Variants in FABP7 observed in about 807,000 individuals in gnomAD.
The protein encoded by FABP7 is fatty acid binding protein 7, also known as fatty acid-binding protein, brain.
FABP7 carries 13 observed loss-of-function variants against 14.2 expected under a neutral mutation model. The observed-to-expected ratio is 0.91, with a 90% confidence interval of 0.59 to 1.45. The LOEUF (loss-of-function observed/expected upper bound fraction) is 1.45. FABP7 is among the 40% of genes most tolerant of loss of function. FABP7 has a pLI of 0.00. For synonymous variants in FABP7, 49 were observed against 51.4 expected, an observed-to-expected ratio of 0.95 and a Z score of 0.20; for missense variants, 149 against 157.6, an observed-to-expected ratio of 0.95 and a Z score of 0.29.
chr6:122,775,596 G>A (rs1006056535), upstream of FABP7, among the ~76,000 whole-genome samples: 1 of 151,846 alleles, frequency 6.6e-6, no homozygotes, highest in African/African-American at 2.4e-5. Context: ...CAGGACATTG[G>A]TTTGATACAG....
the FABP7 span, among the ~76,000 whole-genome samples, chr6:122,756,139 T>G: frequency 4.6e-5 from 7 of 152,070 alleles, no homozygotes; most frequent in African/African-American, 7.2e-5. Flanking sequence ...CCTGGAGACA[T>G]GAGTAAACAA....
the FABP7 span, among the ~76,000 whole-genome samples, chr6:122,756,011 C>A: frequency 6.6e-6 from 1 of 152,160 alleles, no homozygotes; most frequent in African/African-American, 2.4e-5. Flanking sequence ...GGCTTTGAGT[C>A]AACACACTTG....
chr6:122,758,780 T>C, the FABP7 span, among the ~76,000 whole-genome samples: 1 of 152,236 alleles, frequency 6.6e-6, no homozygotes, highest in East Asian at 1.9e-4. Flanking sequence ...ATATTTTATA[T>C]GTTTTATAAT....
the FABP7 span, among the ~76,000 whole-genome samples, chr6:122,767,329 C>T: frequency 2.0e-5 from 3 of 151,720 alleles, no homozygotes; most frequent in Non-Finnish European, 2.9e-5. Context: ...CTTGCTTTTC[C>T]GGTTATTAGG....
At chr6:122,782,023 A>G in intron 3 of FABP7, 1 of 981,356 alleles carries the variant, frequency 1.0e-6, no homozygotes, top group Non-Finnish European at 1.2e-6. Flanking sequence ...GAGTGCTGGG[A>G]TTACAGGCCT....
the FABP7 span, among the ~76,000 whole-genome samples, chr6:122,750,476 TCAACAGTA>T: frequency 6.6e-6 from 1 of 152,226 alleles, no homozygotes; most frequent in Admixed American, 6.5e-5. Context: ...TAATCATGCA[TCAACAGTA>T]CAACCAGACA....
chr6:122,774,870 A>G (rs1780645063), upstream of FABP7, among the ~76,000 whole-genome samples: 1 of 152,146 alleles, frequency 6.6e-6, no homozygotes, highest in Non-Finnish European at 1.5e-5. Context: ...CCAACAATGA[A>G]CAATCTAAAA....
chr6:122,780,598 A>G (rs1382521647), intron 2 of FABP7, 135 bp downstream of exon 2: 2 of 959,426 alleles, frequency 2.1e-6, no homozygotes, highest in Non-Finnish European at 3.1e-6. Flanking sequence ...GAAATACACC[A>G]AAGTTAGTTT....
chr6:122,762,535 T>G, the FABP7 span, among the ~76,000 whole-genome samples: 1 of 152,022 alleles, frequency 6.6e-6, no homozygotes, highest in African/African-American at 2.4e-5. Context: ...TGGAAGTTCT[T>G]GCCAGGGCAA....
At chr6:122,759,201 G>A in the FABP7 span, among the ~76,000 whole-genome samples, 4 of 151,994 alleles carry the variant, frequency 2.6e-5, no homozygotes, top group African/African-American at 9.7e-5. Flanking sequence ...TTCCTCATGG[G>A]GGTTTCCAAA....
chr6:122,756,517 C>G, the FABP7 span, among the ~76,000 whole-genome samples: 12 of 152,238 alleles, frequency 7.9e-5, no homozygotes, highest in East Asian at 1.5e-3. Context: ...CTACTCTCAT[C>G]TAACCTCAAA....
chr6:122,758,947 T>C, the FABP7 span, among the ~76,000 whole-genome samples: 1 of 152,186 alleles, frequency 6.6e-6, no homozygotes, highest in African/African-American at 2.4e-5. Context: ...TGCTTCTAAA[T>C]CTTATAGTGG....
At chr6:122,780,501 G>A in intron 2 of FABP7, 38 bp downstream of exon 2, 1 of 1,585,430 alleles carries the variant, frequency 6.3e-7, no homozygotes. Context: ...GGGATGGGGA[G>A]AGGGGAATAA....
intron 3 of FABP7, chr6:122,782,228 GCCACAACAAAGTA>G: frequency 1.0e-6 from 1 of 970,408 alleles, no homozygotes; most frequent in Non-Finnish European, 1.2e-6. Flanking sequence ...TCCTAAGGCT[GCCACAACAAAGTA>G]CCACAAACTT....
chr6:122,751,725 A>G, the FABP7 span, among the ~76,000 whole-genome samples: 1 of 152,244 alleles, frequency 6.6e-6, no homozygotes, highest in South Asian at 2.1e-4. Context: ...AAACGCTTCA[A>G]CCCTCATATC....
chr6:122,780,940 T>C (rs1046457011), intron 2 of FABP7, among the ~76,000 whole-genome samples, 153 bp from the exon 3 acceptor site: 2 of 152,206 alleles, frequency 1.3e-5, no homozygotes, highest in Non-Finnish European at 2.9e-5. Context: ...ATTTACATAA[T>C]AGAAAATCTA....
At chr6:122,760,513 C>G in the FABP7 span, among the ~76,000 whole-genome samples, 1 of 150,646 alleles carries the variant, frequency 6.6e-6, no homozygotes, top group Admixed American at 6.6e-5. Context: ...TTTGATTTCT[C>G]TTAGTCCTAT....
the FABP7 span, among the ~76,000 whole-genome samples, chr6:122,754,729 G>T: frequency 1.3e-5 from 2 of 149,700 alleles, no homozygotes; most frequent in African/African-American, 2.5e-5. Context: ...CCTCTTTTCC[G>T]TCCCCACTTG....
chr6:122,759,086 T>G, the FABP7 span, among the ~76,000 whole-genome samples: 5 of 152,344 alleles, frequency 3.3e-5, no homozygotes, highest in Admixed American at 6.5e-5. Flanking sequence ...CCACTAGGTT[T>G]CACATACTTA....
Sources: allele counts gnomAD v4.1 joint callset (sites outside exome capture counted in the v4.1 genomes callset), GRCh38; gene constraint gnomAD v4.1.1; transcripts MANE v1.5; gene names NCBI Gene and HGNC (gene_info 2026-07-23, HGNC 2026-07-21).